MYCBP2: variants seen among roughly 807,000 people sequenced by gnomAD.
MYCBP2 encodes the protein E3 ubiquitin-protein ligase MYCBP2.
MYCBP2 carries 120 observed loss-of-function variants against 525.3 expected under a neutral mutation model. The ratio of observed to expected loss-of-function variants is 0.23; its 90% confidence interval spans 0.20 to 0.27. The LOEUF (loss-of-function observed/expected upper bound fraction) is 0.27. Among genes scored for constraint, MYCBP2 ranks in the 10% least tolerant of loss-of-function variants. The pLI, the probability that MYCBP2 is intolerant of heterozygous loss-of-function variation, is 1.00. For synonymous variants in MYCBP2, 1,894 were observed against 1,955.8 expected (o/e 0.97, Z 0.83); for missense variants, 4,149 against 5,657.1 (o/e 0.73, Z 8.55).
chr13:77,294,129 T>TATATATATATATGTATATATATATATAC (rs1450128273), intron 2 of MYCBP2, among the ~76,000 whole-genome samples: 3 of 26,140 alleles, frequency 1.1e-4, no homozygotes, highest in Non-Finnish European at 2.2e-4. Flanking sequence ...TATATATATA[T>TATATATATATATGTATATATATATATAC]ACATATATAT....
At chr13:77,149,447 A>G (rs1412390263) in intron 47 of MYCBP2, among the ~76,000 whole-genome samples, 1 of 151,714 alleles carries the variant, frequency 6.6e-6, no homozygotes, top group East Asian at 1.9e-4. Flanking sequence ...TCTGAGACTC[A>G]GTGATATTGG....
intron 32 of MYCBP2, among the ~76,000 whole-genome samples, chr13:77,183,960 A>G (rs2060498779): frequency 6.6e-6 from 1 of 151,910 alleles, no homozygotes; most frequent in African/African-American, 2.4e-5. Flanking sequence ...ACCAACTTTT[A>G]GCTGTGTTAA....
chr13:77,239,297 T>C (rs568089092), intron 17 of MYCBP2, among the ~76,000 whole-genome samples: 6 of 152,340 alleles, frequency 3.9e-5, no homozygotes, highest in Admixed American at 2.0e-4. Flanking sequence ...ATTAACATAC[T>C]ACTAAATTTT....
At chr13:77,120,433 T>C (rs893865869) in intron 55 of MYCBP2, among the ~76,000 whole-genome samples, 1 of 152,220 alleles carries the variant, frequency 6.6e-6, no homozygotes, top group African/African-American at 2.4e-5. Context: ...GAATATTCCT[T>C]ATACATTTTG....
intron 24 of MYCBP2, 23 bp from the exon 25 acceptor site, chr13:77,205,621 T>A (rs754946242): frequency 1.3e-6 from 2 of 1,599,348 alleles, no homozygotes; most frequent in Middle Eastern, 1.7e-4. Flanking sequence ...AGAAACAAAA[T>A]TTAACTCCTT....
At chr13:77,177,707 A>G in intron 35 of MYCBP2, 41 bp downstream of exon 35, 1 of 1,479,286 alleles carries the variant, frequency 6.8e-7, no homozygotes, top group Non-Finnish European at 9.4e-7. Flanking sequence ...CCTGATACAC[A>G]ACCCACTAAT....
intron 21 of MYCBP2, among the ~76,000 whole-genome samples, chr13:77,216,022 T>C (rs2064773102): frequency 6.6e-6 from 1 of 152,148 alleles, no homozygotes; most frequent in Non-Finnish European, 1.5e-5. Context: ...TCAGGGTTCT[T>C]GGAGAAATGG....
intron 55 of MYCBP2, among the ~76,000 whole-genome samples, chr13:77,110,783 A>G (rs1304036265): frequency 6.6e-6 from 1 of 152,104 alleles, no homozygotes; most frequent in Admixed American, 6.6e-5. Flanking sequence ...ACGTTGAAAT[A>G]TTGGGGGCGG....
chr13:77,163,758 TCA>T (rs1566766441), intron 43 of MYCBP2, among the ~76,000 whole-genome samples: 2 of 152,280 alleles, frequency 1.3e-5, no homozygotes, highest in Admixed American at 1.3e-4. Context: ...TACAGTTCTC[TCA>T]TTTTGCTAAC....
chr13:77,202,680 A>G (rs1443117084), intron 26 of MYCBP2, among the ~76,000 whole-genome samples: 1 of 152,028 alleles, frequency 6.6e-6, no homozygotes, highest in Non-Finnish European at 1.5e-5. Context: ...GCAGCACATC[A>G]AAAAGCTTAT....
rs983109576 is a variant in MYCBP2 at position 77,095,269 on chromosome 13, G to A, written c.10199+89C>T. 21 of 1,478,398 alleles carry A rather than the reference G, an allele frequency of 1.4e-5. 1 individual carries two copies. The highest frequency in any genetic ancestry group is 1.9e-5 in the Non-Finnish European group (21 of 1,090,002). The allele number at this position is 1,478,398 out of a possible 1,614,324, so 91.6% of individuals were successfully genotyped here. A position where few individuals can be genotyped will look rare whatever the true frequency, so the allele number is the denominator to read the frequency against. ...TATAGTACACAATAGCTAATAAAGT[G>A]TAGGTCAAATACCGAACTACCCTAG... On this transcript the variant is annotated intron_variant, in intron 58 of 82. Coordinates refer to ENST00000544440, the MANE Select transcript of MYCBP2 (RefSeq NM_015057.5).
rs1356499648 is a variant in MYCBP2 at position 77,261,159 on chromosome 13, C to T, written c.1852+12G>A. ...TATTTTTATTAAATGCATAGTTGAT[C>T]ACTCAACTTACTTGATTCTCCATCT... is the stretch of plus-strand genomic sequence containing the variant. On this transcript the variant is annotated intron_variant, in intron 12 of 82. Transcript: ENST00000544440. The T allele has an allele frequency of 1.9e-6, 3 of 1,588,030 alleles. No homozygotes were observed. The South Asian group carries it at 3.4e-5, about 18-fold the overall frequency.
chr13:77,151,057 G>T, intron 46 of MYCBP2, 108 bp from the exon 47 acceptor site: 1 of 889,966 alleles, frequency 1.1e-6, no homozygotes. Context: ...CTTTATGTTA[G>T]CATTGGTCTG....
At chr13:77,312,269 C>T (rs2080344847) in intron 1 of MYCBP2, among the ~76,000 whole-genome samples, 1 of 152,128 alleles carries the variant, frequency 6.6e-6, no homozygotes, top group Non-Finnish European at 1.5e-5. Context: ...GGAAATGCTG[C>T]ATCTTCAGGA....
At chr13:77,075,519 T>A (rs1221261297) in intron 68 of MYCBP2, 1 of 152,286 alleles carries the variant, frequency 6.6e-6, no homozygotes, top group Non-Finnish European at 1.5e-5. Flanking sequence ...CTCTTTCAGA[T>A]CTAACTCCAG....
chr13:77,187,405 G>C (rs1045316437), intron 30 of MYCBP2, among the ~76,000 whole-genome samples: 2 of 152,192 alleles, frequency 1.3e-5, no homozygotes, highest in Non-Finnish European at 2.9e-5. Context: ...TCAACTTTGA[G>C]AGGATATACC....
chr13:77,066,769 A>G (rs193239324), intron 71 of MYCBP2, among the ~76,000 whole-genome samples: 10 of 152,310 alleles, frequency 6.6e-5, no homozygotes, highest in Admixed American at 1.3e-4. Flanking sequence ...AGCATCAAAG[A>G]TATTTTGCAA....
At chr13:77,226,603 A>C (rs1278059148) in intron 18 of MYCBP2, among the ~76,000 whole-genome samples, 1 of 152,190 alleles carries the variant, frequency 6.6e-6, no homozygotes, top group Non-Finnish European at 1.5e-5. Flanking sequence ...ATCTACAGAC[A>C]CACACTTTCT....
intron 82 of MYCBP2, among the ~76,000 whole-genome samples, chr13:77,049,538 T>C (rs769133529): frequency 2.6e-5 from 4 of 152,208 alleles, no homozygotes; most frequent in Non-Finnish European, 5.9e-5. Context: ...TATTAGTTTC[T>C]TGAGTATCTT....
Sources: allele counts gnomAD v4.1 joint callset (sites outside exome capture counted in the v4.1 genomes callset), GRCh38; gene constraint gnomAD v4.1.1; transcripts MANE v1.5; gene names NCBI Gene and HGNC (gene_info 2026-07-23, HGNC 2026-07-21).